The following FARSB variants were observed in gnomAD, a reference collection of about 807,000 sequenced individuals.
FARSB encodes phenylalanyl-tRNA synthetase subunit beta, also known as phenylalanine--tRNA ligase beta subunit.
Under a neutral mutation model 69.6 loss-of-function variants are expected in FARSB, and 40 were observed. That is an observed-to-expected ratio of 0.57 (90% CI 0.45 to 0.75). The LOEUF is 0.75. Among genes scored for constraint, FARSB ranks in the 30% least tolerant of loss-of-function variants. The pLI is 0.00. For missense variants in FARSB, 632 were observed against 722.9 expected, an observed-to-expected ratio of 0.87 and a Z score of 1.44; for synonymous variants, 235 against 247.2, an observed-to-expected ratio of 0.95 and a Z score of 0.46.
At chr2:222,593,713 A>G (rs1293417132) in intron 16 of FARSB, among the ~76,000 whole-genome samples, 2 of 151,778 alleles carry the variant, frequency 1.3e-5, no homozygotes, top group African/African-American at 2.4e-5. Context: ...AAACAAAACA[A>G]AACAAAAATT....
intron 10 of FARSB, among the ~76,000 whole-genome samples, chr2:222,628,162 C>A (rs145547154): frequency 4.6e-5 from 7 of 152,130 alleles, no homozygotes; most frequent in African/African-American, 7.2e-5. Context: ...AGACTATGTT[C>A]GGAGGGCTGA....
chr2:222,638,552 A>G (rs1018971437), intron 5 of FARSB, among the ~76,000 whole-genome samples: 24 of 152,210 alleles, frequency 1.6e-4, no homozygotes, highest in Admixed American at 2.0e-4. Context: ...AAACTCTTTT[A>G]TATACAAGGA....
At position 222,624,729 on chromosome 2, in the gene FARSB, T is replaced by C; in HGVS notation, c.947A>G (p.Lys316Arg). Residue 316 changes from lysine (K) to arginine (R), a missense_variant, in exon 11 of 17, where the codon AAA becomes AGA. Coordinates refer to ENST00000281828, the MANE Select transcript of FARSB (RefSeq NM_005687.5). ...KEMVRADLIN[K>R]KVGIRETPEN... ...CAGAGCATACCTGATTCCAACTTTT[T>C]TGTTAATTAGGTCAGCTCTCACCAT... 1 of 1,605,782 alleles carries C rather than the reference T, an allele frequency of 6.2e-7. No individual in the cohort carries two copies. Among genetic ancestry groups the C allele is most frequent in the Non-Finnish European group, 8.5e-7 (1 of 1,175,058 alleles).
chr2:222,651,994 T>C (rs986990858), intron 1 of FARSB, among the ~76,000 whole-genome samples: 2 of 152,162 alleles, frequency 1.3e-5, no homozygotes, highest in African/African-American at 4.8e-5. Flanking sequence ...GATTCCAGAA[T>C]TGCCATGGAC....
chr2:222,589,687 T>C (rs908836455), intron 16 of FARSB, among the ~76,000 whole-genome samples: 1 of 151,716 alleles, frequency 6.6e-6, no homozygotes, highest in Non-Finnish European at 1.5e-5. Flanking sequence ...AACAACCCCA[T>C]CAAAAAGTAG....
intron 10 of FARSB, among the ~76,000 whole-genome samples, chr2:222,625,731 C>T (rs147525211): frequency 7.9e-5 from 12 of 152,216 alleles, no homozygotes; most frequent in African/African-American, 2.6e-4. Context: ...CTGAACAGTA[C>T]GAGATGCATT....
At chr2:222,655,910 A>G in intron 1 of FARSB, 106 bp downstream of exon 1, 1 of 924,806 alleles carries the variant, frequency 1.1e-6, no homozygotes, top group Non-Finnish European at 1.7e-6. Flanking sequence ...GGCCTCCCGG[A>G]GCCAAAACCT....
chr2:222,571,698 A>C lies in FARSB; in HGVS notation c.*173T>G. On this transcript the variant is annotated 3_prime_UTR_variant, in exon 17 of 17. Transcript: ENST00000281828. The stretch of plus-strand genomic sequence containing the variant: ...AGACACCACACTGGTATATGGCACA[A>C]GCTGGCCTAATATGCAGGGAAAGGA... The C allele has an allele frequency of 1.7e-6, 1 of 583,454 alleles. No individual in the cohort carries two copies. The highest frequency in any genetic ancestry group is 3.0e-6 in the Non-Finnish European group (1 of 330,646). The allele number at this position is 583,454 out of a possible 1,614,324, so 36.1% of individuals were successfully genotyped here.
intron 4 of FARSB, 133 bp from the exon 5 acceptor site, chr2:222,639,828 G>A (rs1229709509): frequency 5.0e-6 from 2 of 399,336 alleles, no homozygotes; most frequent in Non-Finnish European, 8.9e-6. Context: ...AATTTATTCA[G>A]TCAACAAGTA....
At chr2:222,603,737 TATTA>T (rs937219697) in intron 15 of FARSB, among the ~76,000 whole-genome samples, 5 of 147,794 alleles carry the variant, frequency 3.4e-5, no homozygotes, top group African/African-American at 9.8e-5. Context: ...TAATTATATA[TATTA>T]ATTAATTATA....
At position 222,639,217 on chromosome 2, in the gene FARSB, C is replaced by T. The variant is rs549856285; in HGVS notation, c.455+363G>A. ...TCATACTTCATTAACACGGTTTATA[C>T]TTAGTAGCATAATCCACGACTGATC... On this transcript the variant is annotated intron_variant, in intron 5 of 16. Transcript: ENST00000281828. 6.6e-5 allele frequency among the ~76,000 whole-genome samples: 10 copies of T among 152,244 alleles called. No homozygotes were observed. In the East Asian group the frequency reaches 1.5e-3, roughly 23 times the overall value.
chr2:222,616,569 G>GAAAAAA (rs1691002012), intron 14 of FARSB, among the ~76,000 whole-genome samples: 1 of 111,388 alleles, frequency 9.0e-6, no homozygotes. Context: ...AAAAAAAAAT[G>GAAAAAA]ACAATTGGGA....
intron 7 of FARSB, among the ~76,000 whole-genome samples, chr2:222,632,965 A>C (rs1406200698): frequency 2.0e-5 from 3 of 152,220 alleles, no homozygotes; most frequent in Non-Finnish European, 4.4e-5. Flanking sequence ...TAGAACCCAA[A>C]ACCTAGCATC....
At chr2:222,579,315 T>C (rs1296938248) in intron 16 of FARSB, among the ~76,000 whole-genome samples, 1 of 152,198 alleles carries the variant, frequency 6.6e-6, no homozygotes, top group Non-Finnish European at 1.5e-5. Context: ...TACAATTAAA[T>C]AAACAAACAA....
chr2:222,631,889 A>G (rs1180496673), intron 7 of FARSB, among the ~76,000 whole-genome samples: 1 of 152,212 alleles, frequency 6.6e-6, no homozygotes, highest in Non-Finnish European at 1.5e-5. Context: ...CCTAACTAAC[A>G]CAGAGAAACC....
At chr2:222,583,795 A>C (rs1240549445) in intron 16 of FARSB, among the ~76,000 whole-genome samples, 1 of 152,096 alleles carries the variant, frequency 6.6e-6, no homozygotes. Context: ...ATATTAAGGG[A>C]GTTCTCACAA....
At chr2:222,594,501 TTAC>T (rs1292863699) in intron 16 of FARSB, among the ~76,000 whole-genome samples, 1 of 152,164 alleles carries the variant, frequency 6.6e-6, no homozygotes, top group Admixed American at 6.6e-5. Flanking sequence ...AGCTTTACAC[TTAC>T]TATTTTTATG....
At chr2:222,637,098 C>T (rs867836932) in intron 5 of FARSB, among the ~76,000 whole-genome samples, 2 of 152,062 alleles carry the variant, frequency 1.3e-5, no homozygotes, top group Non-Finnish European at 2.9e-5. Flanking sequence ...AGTAAAATAA[C>T]TGAAGTAAAA....
At chr2:222,618,051 G>A (rs2106213595) in intron 14 of FARSB, among the ~76,000 whole-genome samples, 1 of 152,030 alleles carries the variant, frequency 6.6e-6, no homozygotes, top group South Asian at 2.1e-4. Flanking sequence ...GAACACCATG[G>A]GCAAACTTTA....
Sources: gnomAD v4.1 joint callset for allele counts (sites outside exome capture counted in the v4.1 genomes callset) on GRCh38, gnomAD v4.1.1 for gene constraint, MANE v1.5 for transcripts, NCBI Gene and HGNC (gene_info 2026-07-23, HGNC 2026-07-21) for gene names.